The following ZHX2 variants were observed in gnomAD, a reference collection of about 807,000 sequenced individuals.
ZHX2 encodes zinc fingers and homeoboxes 2, also known as zinc fingers and homeoboxes protein 2.
ZHX2 carries 6 observed loss-of-function variants against 21.9 expected under a neutral mutation model. The ratio of observed to expected loss-of-function variants is 0.27; its 90% CI spans 0.15 to 0.54. The LOEUF is 0.54. ZHX2 is among the 20% of genes least tolerant of loss of function. The pLI is 0.95. For synonymous variants in ZHX2, 434 were observed against 437.1 expected (o/e 0.99, Z 0.09); for missense variants, 908 against 1,090.7 (o/e 0.83, Z 2.36).
chr8:122,905,378 C>T (rs1010443762), intron 2 of ZHX2, among the ~76,000 whole-genome samples: 2 of 150,382 alleles, frequency 1.3e-5, no homozygotes, highest in Non-Finnish European at 2.9e-5. Context: ...AATGGCACAA[C>T]ATTTTTTTTA....
intron 2 of ZHX2, among the ~76,000 whole-genome samples, chr8:122,920,426 T>C (rs1411422569): frequency 6.6e-6 from 1 of 152,218 alleles, no homozygotes; most frequent in African/African-American, 2.4e-5. Flanking sequence ...ATTACACTTT[T>C]AGTGTACAAT....
chr8:122,920,233 C>T (rs1820704900), intron 2 of ZHX2, among the ~76,000 whole-genome samples: 1 of 152,132 alleles, frequency 6.6e-6, no homozygotes. Flanking sequence ...GAGATCGTGC[C>T]GTTGCACTCC....
chr8:122,890,039 C>G (rs1819939584), intron 2 of ZHX2, among the ~76,000 whole-genome samples: 1 of 152,100 alleles, frequency 6.6e-6, no homozygotes, highest in Non-Finnish European at 1.5e-5. Context: ...TTGGCTAGAC[C>G]AATCCTGAAA....
intron 2 of ZHX2, among the ~76,000 whole-genome samples, chr8:122,940,049 G>A (rs1271042331): frequency 6.6e-6 from 1 of 152,220 alleles, no homozygotes; most frequent in Non-Finnish European, 1.5e-5. Flanking sequence ...CAGGAACTGA[G>A]GTTAGCCATG....
chr8:122,931,627 C>T lies in ZHX2; in HGVS notation c.-219-19665C>T, dbSNP rs552160904. 3.9e-5 allele frequency among the ~76,000 whole-genome samples: 6 copies of T among 152,214 alleles called. No individual in the cohort carries two copies. In the East Asian group the frequency reaches 1.2e-3, roughly 29 times the overall value. ...AAGTCACATATGTACCCAGTCATTA[C>T]GCGCTGCAGCATCAGAGTCTTCAGG... is the stretch of plus-strand genomic sequence containing the variant. On this transcript the variant is annotated intron_variant, in intron 2 of 3. Transcript: ENST00000314393.
chr8:122,796,697 C>T (rs1165501814), intron 1 of ZHX2, among the ~76,000 whole-genome samples: 5 of 152,196 alleles, frequency 3.3e-5, no homozygotes, highest in Middle Eastern at 3.2e-3. Context: ...CTCTGCCCAT[C>T]ACATGGGAGA....
chr8:122,866,858 T>A (rs1357077303), intron 2 of ZHX2, among the ~76,000 whole-genome samples: 1 of 152,238 alleles, frequency 6.6e-6, no homozygotes, highest in Non-Finnish European at 1.5e-5. Flanking sequence ...AGAGTCTCGC[T>A]CTGCCACCCA....
chr8:122,812,316 T>C (rs1292534253), intron 1 of ZHX2, among the ~76,000 whole-genome samples: 1 of 152,220 alleles, frequency 6.6e-6, no homozygotes, highest in African/African-American at 2.4e-5. Flanking sequence ...TTCAGAGTGA[T>C]GTGTTATGTG....
At chr8:122,824,056 T>C (rs770752592) in intron 1 of ZHX2, among the ~76,000 whole-genome samples, 6 of 152,176 alleles carry the variant, frequency 3.9e-5, no homozygotes, top group Non-Finnish European at 5.9e-5. Flanking sequence ...CTGTTTAATT[T>C]TGTTGAGCTC....
intron 1 of ZHX2, among the ~76,000 whole-genome samples, chr8:122,799,674 A>G (rs563816288): frequency 6.6e-6 from 1 of 152,272 alleles, no homozygotes; most frequent in South Asian, 2.1e-4. Flanking sequence ...AGGAAGGCTG[A>G]GGGCTCAGCC....
At chr8:122,812,251 A>C (rs1034874663) in intron 1 of ZHX2, among the ~76,000 whole-genome samples, 3 of 152,166 alleles carry the variant, frequency 2.0e-5, no homozygotes, top group African/African-American at 7.2e-5. Context: ...CATTCTGGAG[A>C]TGTGGGAGCC....
rs116040357 is a variant in ZHX2 at position 122,786,776 on chromosome 8, G to A, written c.-283+4830G>A. ...GTGGCAAGTCCGTACCACACATCAG[G>A]TACCACACGTACGGTACCAGCACAT... On this transcript the variant is annotated intron_variant, in intron 1 of 3. Coordinates refer to ENST00000314393, the MANE Select transcript of ZHX2 (RefSeq NM_014943.5). 7.8e-3 allele frequency among the ~76,000 whole-genome samples: 1,177 copies of A among 150,964 alleles called. 9 individuals carry two copies. The highest frequency in any genetic ancestry group is 0.027 in the African/African-American group (1,119 of 40,998).
chr8:122,857,093 G>A (rs1819044246), intron 1 of ZHX2, among the ~76,000 whole-genome samples: 1 of 152,114 alleles, frequency 6.6e-6, no homozygotes, highest in Non-Finnish European at 1.5e-5. Context: ...CCTGCCTGGT[G>A]TGCGCTGCCT....
chr8:122,929,640 T>TA (rs754405611), intron 2 of ZHX2, among the ~76,000 whole-genome samples: 7,670 of 136,382 alleles, frequency 0.056, 307 homozygotes, highest in East Asian at 0.12. Flanking sequence ...GACCATGTCT[T>TA]AAAAAAAAAA....
chr8:122,923,835 C>T, intron 2 of ZHX2, among the ~76,000 whole-genome samples: 1 of 152,316 alleles, frequency 6.6e-6, no homozygotes, highest in Middle Eastern at 3.4e-3. Flanking sequence ...ATTATAAATG[C>T]TCCATGGGTA....
At chr8:122,784,919 C>A (rs566695045) in intron 1 of ZHX2, among the ~76,000 whole-genome samples, 1 of 152,224 alleles carries the variant, frequency 6.6e-6, no homozygotes, top group Non-Finnish European at 1.5e-5. Context: ...TATGGAAATG[C>A]TGGGGAGACA....
chr8:122,887,806 C>T (rs965089858), intron 2 of ZHX2, among the ~76,000 whole-genome samples: 1 of 152,116 alleles, frequency 6.6e-6, no homozygotes, highest in African/African-American at 2.4e-5. Context: ...CCCTGTCTTG[C>T]TTCTCCCACC....
At chr8:122,882,414 T>C (rs532661211) in intron 2 of ZHX2, among the ~76,000 whole-genome samples, 1 of 152,260 alleles carries the variant, frequency 6.6e-6, no homozygotes, top group South Asian at 2.1e-4. Flanking sequence ...TCTTTGCCTC[T>C]ACTCTCAAGA....
intron 2 of ZHX2, among the ~76,000 whole-genome samples, chr8:122,875,719 C>T (rs1238019975): frequency 6.6e-6 from 1 of 152,254 alleles, no homozygotes; most frequent in Non-Finnish European, 1.5e-5. Context: ...CAGAAGCTGC[C>T]TGGGGGTGCG....
Sources: allele counts gnomAD v4.1 joint callset (sites outside exome capture counted in the v4.1 genomes callset), GRCh38; gene constraint gnomAD v4.1.1; transcripts MANE v1.5; gene names NCBI Gene and HGNC (gene_info 2026-07-23, HGNC 2026-07-21).